Variants in SYNCRIP observed in about 807,000 individuals in gnomAD.
SYNCRIP encodes heterogeneous nuclear ribonucleoprotein Q.
A neutral mutation model predicts 68.9 loss-of-function variants in SYNCRIP; 9 were observed. The observed-to-expected ratio is 0.13, with a 90% CI of 0.08 to 0.23. SYNCRIP has a LOEUF of 0.23. SYNCRIP is among the 10% of genes least tolerant of loss of function. The pLI is 1.00. For missense variants in SYNCRIP, 414 were observed against 770.6 expected, an observed-to-expected ratio of 0.54 and a Z score of 5.48; for synonymous variants, 258 against 254.0, an observed-to-expected ratio of 1.02 and a Z score of -0.15.
At chr6:85,635,790 A>AG (rs1808371276) in intron 6 of SYNCRIP, among the ~76,000 whole-genome samples, 1 of 151,448 alleles carries the variant, frequency 6.6e-6, no homozygotes, top group African/African-American at 2.4e-5. Flanking sequence ...AAAAAAAAAA[A>AG]AAAAAAAGAA....
chr6:85,608,247 A>T (rs1804983256), downstream of SYNCRIP: 1 of 152,074 alleles, frequency 6.6e-6, no homozygotes, highest in Admixed American at 6.5e-5. Flanking sequence ...TAAAGATTCC[A>T]AGTGTCTACT....
chr6:85,633,261 CAAATAAATAAAT>C (rs111489467), intron 6 of SYNCRIP, among the ~76,000 whole-genome samples: 22 of 130,458 alleles, frequency 1.7e-4, no homozygotes, highest in East Asian at 1.3e-3. Context: ...ATCTCAAAAA[CAAATAAATAAAT>C]AAATAAATAA....
At chr6:85,636,854 G>T in intron 6 of SYNCRIP, 113 bp downstream of exon 6, 1 of 1,027,102 alleles carries the variant, frequency 9.7e-7, no homozygotes, top group Non-Finnish European at 1.4e-6. Flanking sequence ...AAAAAAACCT[G>T]CCTAAATCAG....
downstream of SYNCRIP, chr6:85,613,883 T>C (rs1206250769): frequency 2.5e-6 from 2 of 784,316 alleles, no homozygotes; most frequent in African/African-American, 3.8e-5. Context: ...CTTGTCAGTG[T>C]GACCTGCAAA....
intron 6 of SYNCRIP, among the ~76,000 whole-genome samples, chr6:85,636,753 G>T (rs1401544416): frequency 6.6e-6 from 1 of 152,010 alleles, no homozygotes; most frequent in Non-Finnish European, 1.5e-5. Context: ...CAATTGCTAG[G>T]AATTCTACCA....
At chr6:85,641,155 AAT>A (rs1583324628) in intron 2 of SYNCRIP, 135 bp downstream of exon 2, 1 of 681,000 alleles carries the variant, frequency 1.5e-6, no homozygotes, top group East Asian at 2.7e-5. Flanking sequence ...TTCAAACTTA[AAT>A]TAACCAACTA....
chr6:85,633,289 TAAAA>T (rs988353139), intron 6 of SYNCRIP, among the ~76,000 whole-genome samples: 2 of 136,332 alleles, frequency 1.5e-5, no homozygotes, highest in African/African-American at 6.2e-5. Flanking sequence ...AATAAATAAA[TAAAA>T]TAAACAATTT....
At chr6:85,612,968 TTAA>T (rs1335567539), downstream of SYNCRIP, 1 of 1,544,780 alleles carries the variant, frequency 6.5e-7, no homozygotes, top group South Asian at 1.2e-5. Context: ...TCATCTTAAA[TTAA>T]TAATGTGTAC....
chr6:85,623,265 T>C (rs1319117916), intron 7 of SYNCRIP, among the ~76,000 whole-genome samples: 2 of 152,056 alleles, frequency 1.3e-5, no homozygotes, highest in Non-Finnish European at 2.9e-5. Context: ...GTTGACAATA[T>C]ATAAACTCTG....
chr6:85,621,639 T>C (rs1418304771), intron 8 of SYNCRIP, among the ~76,000 whole-genome samples: 3 of 147,206 alleles, frequency 2.0e-5, no homozygotes, highest in Admixed American at 2.0e-4. Flanking sequence ...GAACAAAGGA[T>C]AGAACAAATA....
chr6:85,627,374 C>T (rs775791730), intron 6 of SYNCRIP, among the ~76,000 whole-genome samples: 1 of 151,760 alleles, frequency 6.6e-6, no homozygotes, highest in African/African-American at 2.4e-5. Flanking sequence ...AGTAAGGAGA[C>T]TCTGGGTACA....
At chr6:85,613,687 A>C (rs1164195194), downstream of SYNCRIP, among the ~76,000 whole-genome samples, 1 of 152,230 alleles carries the variant, frequency 6.6e-6, no homozygotes, top group East Asian at 1.9e-4. Flanking sequence ...TTTTATTTTT[A>C]ATTAGGTAAG....
intron 6 of SYNCRIP, among the ~76,000 whole-genome samples, chr6:85,634,136 C>G (rs1394812236): frequency 6.6e-6 from 1 of 152,110 alleles, no homozygotes; most frequent in Admixed American, 6.6e-5. Context: ...ATTAATAAGA[C>G]TATATTCTAA....
At chr6:85,641,236 G>T in intron 2 of SYNCRIP, 56 bp downstream of exon 2, 1 of 1,502,052 alleles carries the variant, frequency 6.7e-7, no homozygotes. Context: ...TTAGCTCAAA[G>T]CCAGAAATCC....
At position 85,619,052 on chromosome 6, in the gene SYNCRIP, G is replaced by A. The variant is rs1054730888; in HGVS notation, c.1159-113C>T. The stretch of plus-strand genomic sequence containing the variant: ...TGGGAAGGACAAGAGAAAGCCCCAT[G>A]CAGGCAGTCAAATAATTTTATTTAA... On this transcript the variant is annotated intron_variant, in intron 9 of 10. Transcript: ENST00000369622. 8 of 1,211,332 alleles carry A rather than the reference G, an allele frequency of 6.6e-6. No individual in the cohort carries two copies. In the African/African-American group the frequency reaches 1.2e-4, roughly 19 times the overall value. 75.0% of individuals were successfully genotyped at this position (1,211,332 alleles called of 1,614,324 possible). A position where few individuals can be genotyped will look rare whatever the true frequency, so the allele number is the denominator to read the frequency against.
chr6:85,638,539 A>C (rs1423432112), intron 4 of SYNCRIP, among the ~76,000 whole-genome samples: 1 of 152,240 alleles, frequency 6.6e-6, no homozygotes, highest in Non-Finnish European at 1.5e-5. Flanking sequence ...CTGAAATAAA[A>C]ACAGACTAAT....
intron 9 of SYNCRIP, 33 bp from the exon 10 acceptor site, chr6:85,618,972 G>C: frequency 6.4e-7 from 1 of 1,572,524 alleles, no homozygotes; most frequent in East Asian, 2.2e-5. Flanking sequence ...TATAAAAATA[G>C]GACTTTCATA....
At chr6:85,638,754 C>T (rs1038220866) in intron 4 of SYNCRIP, among the ~76,000 whole-genome samples, 3 of 152,218 alleles carry the variant, frequency 2.0e-5, no homozygotes, top group African/African-American at 7.2e-5. Context: ...CATTTTCTCA[C>T]ATGTAATCCC....
At position 85,614,630 on chromosome 6, in the gene SYNCRIP, T is replaced by C; in HGVS notation, c.*126A>G. ...GTGGCTTTGTTCGTGTCCAAGCGGA[T>C]TGTTAAAATATATACATAAAGGGAA... On this transcript the variant is annotated 3_prime_UTR_variant, in exon 11 of 11. Transcript: ENST00000369622. 2.2e-6 allele frequency: 3 copies of C among 1,345,676 alleles called. No homozygotes were observed. The highest frequency in any genetic ancestry group is 2.9e-5 in the East Asian group (1 of 34,828). 83.4% of individuals were successfully genotyped at this position (1,345,676 alleles called of 1,614,324 possible). A position where few individuals can be genotyped will look rare whatever the true frequency, so the allele number is the denominator to read the frequency against.
Sources: gnomAD v4.1 joint callset for allele counts (sites outside exome capture counted in the v4.1 genomes callset) on GRCh38, gnomAD v4.1.1 for gene constraint, MANE v1.5 for transcripts, NCBI Gene and HGNC (gene_info 2026-07-23, HGNC 2026-07-21) for gene names.